Variants in FCHO1 observed in about 807,000 individuals in gnomAD.
FCHO1 encodes FCH and mu domain containing endocytic adaptor 1.
A neutral mutation model predicts 114.4 loss-of-function variants in FCHO1; 45 were observed. The ratio of observed to expected loss-of-function variants is 0.39; its 90% CI spans 0.31 to 0.50. FCHO1 has a LOEUF of 0.50. FCHO1 is among the 20% of genes least tolerant of loss of function. FCHO1 has a pLI of 0.77. For missense variants in FCHO1, 1,042 were observed against 1,209.6 expected (o/e 0.86, Z 2.06); for synonymous variants, 480 against 488.9 (o/e 0.98, Z 0.24).
At chr19:17,763,080 A>C (rs186437986) in intron 5 of FCHO1, among the ~76,000 whole-genome samples, 25 of 152,120 alleles carry the variant, frequency 1.6e-4, no homozygotes, top group Non-Finnish European at 2.5e-4. Context: ...AAAGAGGATG[A>C]TATAACCTAC....
rs750525869 is a variant in FCHO1 at position 17,776,092 on chromosome 19, C to T, written c.1113C>T (p.Cys371=). 2.5e-6 allele frequency: 4 copies of T among 1,612,250 alleles called. No individual in the cohort carries two copies. Among genetic ancestry groups the T allele is most frequent in the African/African-American group, 1.3e-5 (1 of 74,920 alleles). The change falls in exon 16 of 29, where the codon TGC becomes TGT. Residue 371 remains cysteine, a synonymous_variant. Transcript: ENST00000596536. The surrounding 1 kb of genome is among the most constrained non-coding windows in gnomAD (Gnocchi z 4.4). ...IKPAPARAPA[C]SPEAAAAQLR... ...CTGCCCCGGCCCGGGCTCCAGCCTGCAGCCCCGAGGCAGCAGCGGCACAGC... is the reference window on the plus strand; with the variant it reads ...CTGCCCCGGCCCGGGCTCCAGCCTGTAGCCCCGAGGCAGCAGCGGCACAGC...
intron 23 of FCHO1, 33 bp downstream of exon 23, chr19:17,781,853 AAGTCTGTGTTGGGGG>A: frequency 4.1e-6 from 6 of 1,460,098 alleles, no homozygotes; most frequent in Non-Finnish European, 5.6e-6. Flanking sequence ...GGCCCGTGGG[AAGTCTGTGTTGGGGG>A]AGTCCAGCAG....
intron 20 of FCHO1, among the ~76,000 whole-genome samples, chr19:17,780,143 G>C (rs923143807): frequency 4.7e-5 from 7 of 150,242 alleles, no homozygotes; most frequent in African/African-American, 1.5e-4. Flanking sequence ...AGACCACAGA[G>C]TGGGGGCAGA....
intron 26 of FCHO1, among the ~76,000 whole-genome samples, chr19:17,785,848 AT>A (rs1254513220): frequency 6.6e-6 from 1 of 150,804 alleles, no homozygotes; most frequent in Non-Finnish European, 1.5e-5. Context: ...AAAAAAAAAA[AT>A]AGTAGTGGTA....
upstream of FCHO1, among the ~76,000 whole-genome samples, chr19:17,750,447 T>G (rs1466690931): frequency 6.6e-6 from 1 of 152,222 alleles, no homozygotes; most frequent in Non-Finnish European, 1.5e-5. Context: ...AATGTAGTTG[T>G]AAAATACAGT....
chr19:17,748,872 CTT>C (rs1050981105), upstream of FCHO1, among the ~76,000 whole-genome samples: 1 of 152,192 alleles, frequency 6.6e-6, no homozygotes, highest in African/African-American at 2.4e-5. Context: ...GTGATTCACT[CTT>C]TTGCTTAACA....
At position 17,785,423 on chromosome 19, in the gene FCHO1, A is replaced by G. The variant is rs147455808; in HGVS notation, c.2426+499A>G. On this transcript the variant is annotated intron_variant, in intron 26 of 28. Transcript: ENST00000596536. Reference sequence around the variant, plus strand: ...TTTTTAGTAGACATGAGGTTTCACCATGTTGGTCAGGCTTGTCTCGAACTG... The same window carrying G: ...TTTTTAGTAGACATGAGGTTTCACCGTGTTGGTCAGGCTTGTCTCGAACTG... 1.6e-4 allele frequency among the ~76,000 whole-genome samples: 24 copies of G among 151,582 alleles called. No individual in the cohort carries two copies. In the East Asian group the frequency reaches 4.8e-3, roughly 30 times the overall value.
Position 17,786,461 on chromosome 19 carries a change from A to T in FCHO1, c.2427-113A>T, listed in dbSNP as rs564009724. On this transcript the variant is annotated intron_variant, in intron 26 of 28. Coordinates refer to ENST00000596536, the MANE Select transcript of FCHO1 (RefSeq NM_015122.3). ...TTTCACAGATGAGGAAATTGAGGTG[A>T]AGTGGGGGAGAAGGTTTGTTGGGGT... 70 of 1,012,110 alleles carry T rather than the reference A, an allele frequency of 6.9e-5. 1 individual carries two copies. The South Asian group carries it at 9.6e-4, about 14-fold the overall frequency. 62.7% of individuals were successfully genotyped at this position (1,012,110 alleles called of 1,614,324 possible).
Position 17,781,538 on chromosome 19 carries a change from C to G in FCHO1, c.1827C>G (p.His609Gln). The G allele has an allele frequency of 6.2e-7, 1 of 1,613,842 alleles. No individual in the cohort carries two copies. The highest frequency in any genetic ancestry group is 1.1e-5 in the South Asian group (1 of 91,080). The change falls in exon 22 of 29, where the codon CAC becomes CAG. Residue 609 changes from histidine (H) to glutamine (Q), a missense_variant and splice_region_variant. By Grantham distance (24) the His-to-Gln change is conservative. Coordinates refer to ENST00000596536, the MANE Select transcript of FCHO1 (RefSeq NM_015122.3). ...ERPSFLSQTGHGVSRGPSPVV... is the reference protein window; with the variant it reads ...ERPSFLSQTGQGVSRGPSPVV... ...CCAGCTTCTTATCCCAGACAGGACA[C>G]GGTATGTGAGGGCGGTCCTGGGCCT...
intron 20 of FCHO1, 57 bp from the exon 21 acceptor site, chr19:17,781,174 G>T: frequency 7.8e-7 from 1 of 1,285,534 alleles, no homozygotes; most frequent in South Asian, 1.3e-5. Flanking sequence ...TGCCCCTGGG[G>T]AGGCCCCAGA....
chr19:17,747,750 G>A (rs1272632636), upstream of FCHO1: 1 of 152,048 alleles, frequency 6.6e-6, no homozygotes, highest in Non-Finnish European at 1.5e-5. Context: ...GGGCGGGGCG[G>A]GCTCCGGTGT....
At chr19:17,786,696 T>C in intron 27 of FCHO1, 67 bp downstream of exon 27, 1 of 1,541,662 alleles carries the variant, frequency 6.5e-7, no homozygotes, top group Non-Finnish European at 8.8e-7. Flanking sequence ...CACTTATTTA[T>C]GTTGGGGAAG....
At position 17,783,019 on chromosome 19, in the gene FCHO1, G is replaced by T; in HGVS notation, c.1940G>T (p.Cys647Phe). The change falls in exon 24 of 29, where the codon TGC becomes TTC. Residue 647 changes from cysteine to phenylalanine, a missense_variant and splice_region_variant. Around this residue, in one of 3 missense-constraint regions of FCHO1, gnomAD observed 455 missense variants for 455.4 expected, o/e 1.00. Transcript: ENST00000596536. ...CCCAGTCCCCTCATCCTCCCTAGCT[G>T]CCTGGCTCGAGTAACTGGGGAGCTG... ...HAYFRGHSPS[C>F]LARVTGELTM... 1 of 1,614,046 alleles carries T rather than the reference G, an allele frequency of 6.2e-7. No individual in the cohort carries two copies. The highest frequency in any genetic ancestry group is 8.5e-7 in the Non-Finnish European group (1 of 1,179,946).
Position 17,770,501 on chromosome 19 carries a change from G to A in FCHO1, c.413G>A (p.Arg138His), listed in dbSNP as rs763511675. Residue 138 changes from arginine to histidine, a missense_variant, in exon 8 of 29, where the codon CGC (arginine) becomes CAC (histidine). This residue lies in a region of FCHO1 where 450 missense variants were observed against 564.1 expected (regional missense o/e 0.80). Transcript: ENST00000596536. ...SGVSQLLPKS[R>H]ENYLNRCMDQ... ...GTCAGCCAGCTCCTGCCCAAGTCCCGCGAGAACTACCTGAACCGTTGCATG... is the reference window on the plus strand; with the variant it reads ...GTCAGCCAGCTCCTGCCCAAGTCCCACGAGAACTACCTGAACCGTTGCATG... 7.4e-6 allele frequency: 12 copies of A among 1,613,848 alleles called. No homozygotes were observed. Among genetic ancestry groups the A allele is most frequent in the African/African-American group, 2.7e-5 (2 of 74,932 alleles).
At chr19:17,777,136 A>G (rs1017259337) in intron 18 of FCHO1, among the ~76,000 whole-genome samples, 2 of 152,008 alleles carry the variant, frequency 1.3e-5, no homozygotes, top group African/African-American at 2.4e-5. Flanking sequence ...CATTCATTTG[A>G]TGAACATTTA....
chr19:17,754,402 G>A lies in FCHO1; in HGVS notation c.-138+41G>A, dbSNP rs575346422. The A allele has an allele frequency of 2.0e-5, 3 of 152,942 alleles. No homozygotes were observed. The South Asian group carries it at 6.2e-4, about 32-fold the overall frequency. 9.5% of individuals were successfully genotyped at this position (152,942 alleles called of 1,614,324 possible). A position where few individuals can be genotyped will look rare whatever the true frequency, so the allele number is the denominator to read the frequency against. On this transcript the variant is annotated intron_variant, in intron 2 of 28. Transcript: ENST00000596536. The stretch of plus-strand genomic sequence containing the variant: ...TGAGGGCAGGGTTGGGACTCGTGGG[G>A]GCAGCAATGCCAGCTGGGTCATCAC...
rs369139908 is a variant in FCHO1 at position 17,775,533 on chromosome 19, T to C, written c.1003+20T>C. On this transcript the variant is annotated intron_variant, in intron 15 of 28. Coordinates refer to ENST00000596536, the MANE Select transcript of FCHO1 (RefSeq NM_015122.3). This position sits in a 1 kb window ranked among gnomAD's most constrained non-coding sequence, Gnocchi z 5.1. ...AGAACAATATCCTTCTGGCACCCCCTGGGGGCAGTTGTTGGCACAGCAAGG... is the reference window on the plus strand; with the variant it reads ...AGAACAATATCCTTCTGGCACCCCCCGGGGGCAGTTGTTGGCACAGCAAGG... 8.1e-6 allele frequency: 13 copies of C among 1,612,192 alleles called. No homozygotes were observed. The highest frequency in any genetic ancestry group is 1.1e-5 in the Non-Finnish European group (13 of 1,178,500).
At chr19:17,779,656 A>C (rs2093143987) in intron 20 of FCHO1, among the ~76,000 whole-genome samples, 1 of 121,810 alleles carries the variant, frequency 8.2e-6, no homozygotes, top group Non-Finnish European at 1.7e-5. Context: ...GGGCGGAGTC[A>C]AGGGAGGGAG....
chr19:17,757,261 G>A (rs1363439736), intron 4 of FCHO1, among the ~76,000 whole-genome samples: 1 of 151,930 alleles, frequency 6.6e-6, no homozygotes, highest in Non-Finnish European at 1.5e-5. Flanking sequence ...TCTGGTGGGA[G>A]AGACAGACCT....
Sources: gnomAD v4.1 joint callset for allele counts (sites outside exome capture counted in the v4.1 genomes callset) on GRCh38, gnomAD v4.1.1 for gene constraint, gnomAD v4.1.1 regional missense constraint, Gnocchi (gnomAD v3.1) non-coding constraint, MANE v1.5 for transcripts, NCBI Gene and HGNC (gene_info 2026-07-23, HGNC 2026-07-21) for gene names.